PCDH11Y: variants seen among roughly 807,000 people sequenced by gnomAD.
The protein encoded by PCDH11Y is protocadherin 11 Y-linked.
For missense variants in PCDH11Y, 12 were observed against 224.8 expected (o/e 0.05, Z 6.05); for synonymous variants, 9 against 83.6 (o/e 0.11, Z 4.87).
intron 4 of PCDH11Y, among the ~76,000 whole-genome samples, chrY:5,676,407 G>A: frequency 3.5e-5 from 1 of 28,593 alleles, no homozygotes; most frequent in Non-Finnish European, 8.2e-5. Context: ...CCACTGCCTT[G>A]GGAATTAGCA....
chrY:5,366,361 A>G, intron 2 of PCDH11Y, among the ~76,000 whole-genome samples: 2 of 33,586 alleles, frequency 6.0e-5, no homozygotes, highest in Admixed American at 2.8e-4. Flanking sequence ...TAGGTATTCT[A>G]GGAAAACTTG....
intron 4 of PCDH11Y, among the ~76,000 whole-genome samples, chrY:5,687,460 C>T: frequency 6.4e-5 from 2 of 31,183 alleles, no homozygotes; most frequent in Non-Finnish European, 7.8e-5. Flanking sequence ...AAAAATTAGC[C>T]CGGCGTGGTG....
chrY:5,153,692 C>T, intron 2 of PCDH11Y, among the ~76,000 whole-genome samples: 1 of 30,500 alleles, frequency 3.3e-5, no homozygotes, highest in South Asian at 7.3e-4. Context: ...GTAGACTATT[C>T]ACTGGACTAA....
intron 2 of PCDH11Y, among the ~76,000 whole-genome samples, chrY:5,486,208 T>C (rs2124686287): frequency 3.0e-5 from 1 of 33,399 alleles, no homozygotes; most frequent in African/African-American, 1.2e-4. Context: ...GTTGGTTCAG[T>C]TGAAAATAAT....
At chrY:5,257,518 C>T in intron 2 of PCDH11Y, among the ~76,000 whole-genome samples, 8 of 31,014 alleles carry the variant, frequency 2.6e-4, no homozygotes, top group African/African-American at 7.7e-4. Flanking sequence ...TACAGGTGTT[C>T]GCCACCATGC....
chrY:5,658,519 T>C (rs2053538713), intron 4 of PCDH11Y, among the ~76,000 whole-genome samples: 1 of 33,520 alleles, frequency 3.0e-5, no homozygotes, highest in African/African-American at 1.2e-4. Flanking sequence ...TCTCTTTAAT[T>C]TTGTTTCCTT....
intron 2 of PCDH11Y, among the ~76,000 whole-genome samples, chrY:5,485,625 A>C: frequency 3.5e-5 from 1 of 28,359 alleles, no homozygotes; most frequent in Non-Finnish European, 8.3e-5. Context: ...TTTTATATAT[A>C]ATTATATTTA....
rs1602917046 is a variant in PCDH11Y at position 5,386,412 on chromosome Y, C to T, written c.3130-114645C>T. Among the ~76,000 whole-genome samples the T allele has an allele frequency of 9.3e-5, 3 of 32,354 alleles. No homozygotes were observed. The South Asian group carries it at 2.1e-3, about 23-fold the overall frequency. The allele number at this position is 32,354 out of a possible 37,273, so 86.8% of individuals were successfully genotyped here. A position where few individuals can be genotyped will look rare whatever the true frequency, so the allele number is the denominator to read the frequency against. The stretch of plus-strand genomic sequence containing the variant: ...TGAATGTCTAGGTCTCTAGCAAGGC[C>T]GGGGAAGTTTTCCTCAATTAGTCCC... On this transcript the variant is annotated intron_variant, in intron 2 of 4. Transcript: ENST00000400457.
chrY:5,239,917 G>T, intron 2 of PCDH11Y, among the ~76,000 whole-genome samples: 2 of 33,246 alleles, frequency 6.0e-5, no homozygotes, highest in Non-Finnish European at 1.5e-4. Flanking sequence ...AGTAAAGTTT[G>T]CTACATTGAT....
At chrY:5,467,360 G>T in intron 2 of PCDH11Y, among the ~76,000 whole-genome samples, 1 of 30,294 alleles carries the variant, frequency 3.3e-5, no homozygotes, top group South Asian at 7.4e-4. Flanking sequence ...ATTTGTGACT[G>T]ATCACTGCAA....
intron 2 of PCDH11Y, among the ~76,000 whole-genome samples, chrY:5,128,059 C>G: frequency 3.0e-5 from 1 of 32,883 alleles, no homozygotes; most frequent in Non-Finnish European, 7.5e-5. Flanking sequence ...TTATATATTT[C>G]AAAATCACTG....
intron 4 of PCDH11Y, among the ~76,000 whole-genome samples, chrY:5,597,944 T>A (rs34095809): frequency 3.8e-4 from 12 of 31,866 alleles, no homozygotes; most frequent in South Asian, 1.4e-3. Flanking sequence ...ATGTAAAAAA[T>A]TTTTTTTAAT....
intron 2 of PCDH11Y, among the ~76,000 whole-genome samples, chrY:5,154,094 A>G: frequency 3.3e-5 from 1 of 30,594 alleles, no homozygotes. Flanking sequence ...TCAGAAAAAA[A>G]AAAACTTTGA....
chrY:5,636,974 A>G (rs2053518268), intron 4 of PCDH11Y, among the ~76,000 whole-genome samples: 1 of 33,137 alleles, frequency 3.0e-5, no homozygotes, highest in Non-Finnish European at 7.5e-5. Context: ...AGTTACATCC[A>G]TAAACTTTGG....
At chrY:5,105,550 C>A, downstream of PCDH11Y, 1 of 28,281 alleles carries the variant, frequency 3.5e-5, no homozygotes, top group African/African-American at 1.4e-4. Flanking sequence ...ATTGCTTGAA[C>A]CCAGGAGGCG....
intron 4 of PCDH11Y, among the ~76,000 whole-genome samples, chrY:5,718,624 CTG>C (rs2124713816): frequency 3.0e-5 from 1 of 33,894 alleles, no homozygotes; most frequent in Admixed American, 2.7e-4. Context: ...CCATGTGGAA[CTG>C]TGAGTTCATT....
chrY:5,196,624 T>A (rs2124649092), intron 2 of PCDH11Y, among the ~76,000 whole-genome samples: 4 of 27,620 alleles, frequency 1.4e-4, no homozygotes, highest in African/African-American at 5.7e-4. Flanking sequence ...TTTCTCCACA[T>A]CCTCTCCAGC....
intron 2 of PCDH11Y, among the ~76,000 whole-genome samples, chrY:5,117,575 C>T: frequency 1.2e-4 from 4 of 32,148 alleles, no homozygotes; most frequent in African/African-American, 4.9e-4. Flanking sequence ...TGGATTCTCT[C>T]GGACATTTCC....
chrY:5,161,565 G>T, intron 2 of PCDH11Y, among the ~76,000 whole-genome samples: 1 of 32,774 alleles, frequency 3.1e-5, no homozygotes, highest in African/African-American at 1.2e-4. Context: ...CAAAAGAAAG[G>T]TAATAGCCAT....
Sources: gnomAD v4.1 joint callset for allele counts (sites outside exome capture counted in the v4.1 genomes callset) on GRCh38, gnomAD v4.1.1 for gene constraint, MANE v1.5 for transcripts, NCBI Gene and HGNC (gene_info 2026-07-23, HGNC 2026-07-21) for gene names.